Variants in FGGY observed in about 807,000 individuals in gnomAD.
FGGY encodes FGGY carbohydrate kinase domain containing, also known as FGGY carbohydrate kinase domain-containing protein.
Under a neutral mutation model 71.3 loss-of-function variants are expected in FGGY, and 72 were observed. That is an observed-to-expected ratio of 1.01 (90% CI 0.84 to 1.23). The LOEUF (loss-of-function observed/expected upper bound fraction) is 1.23. FGGY is among the 50% of genes most tolerant of loss of function. The probability of loss-of-function intolerance (pLI) is 0.00; values close to 1 mark genes in which losing one functional copy is unlikely to be tolerated. For synonymous variants in FGGY, 251 were observed against 250.3 expected (o/e 1.00, Z -0.02); for missense variants, 668 against 682.3 (o/e 0.98, Z 0.23).
chr1:59,384,812 A>T (rs896178054), intron 5 of FGGY, among the ~76,000 whole-genome samples: 3 of 152,082 alleles, frequency 2.0e-5, no homozygotes, highest in African/African-American at 7.2e-5. Context: ...TTCTTTTAAT[A>T]AAAAAAATCC....
At chr1:59,760,744 C>A (rs977831768) in intron 15 of FGGY, among the ~76,000 whole-genome samples, 2 of 152,138 alleles carry the variant, frequency 1.3e-5, no homozygotes, top group African/African-American at 2.4e-5. Context: ...GGCCAGTGCA[C>A]AAAGTTGTGG....
Position 59,758,031 on chromosome 1 carries a change from T to G in FGGY, c.1574+39T>G, listed in dbSNP as rs369170726. 1.1e-4 allele frequency: 155 copies of G among 1,401,188 alleles called. 1 individual carries two copies. The highest frequency in any genetic ancestry group is 1.7e-5 in the Admixed American group (1 of 57,876). 86.8% of individuals were successfully genotyped at this position (1,401,188 alleles called of 1,614,324 possible). On this transcript the variant is annotated intron_variant, in intron 15 of 15. Transcript: ENST00000303721. ...TTTTATATGTACAGTGCTAAGGAAG[T>G]GAGCACATACACACACACATGCAAC...
chr1:59,343,875 C>T (rs1244675035), intron 3 of FGGY, among the ~76,000 whole-genome samples: 1 of 152,098 alleles, frequency 6.6e-6, no homozygotes, highest in Non-Finnish European at 1.5e-5. Flanking sequence ...AGAAGTTTAG[C>T]AACAGGTATT....
intron 7 of FGGY, among the ~76,000 whole-genome samples, chr1:59,536,688 G>A (rs547184457): frequency 2.0e-5 from 3 of 152,252 alleles, no homozygotes; most frequent in South Asian, 2.1e-4. Context: ...GGGATGCAAG[G>A]CTGGTTCAAT....
chr1:59,321,995 G>A (rs1439473286), intron 2 of FGGY, among the ~76,000 whole-genome samples: 2 of 152,240 alleles, frequency 1.3e-5, no homozygotes, highest in African/African-American at 4.8e-5. Flanking sequence ...GGGGGCTCAG[G>A]GAAGACAGGA....
intron 5 of FGGY, among the ~76,000 whole-genome samples, chr1:59,408,830 G>A (rs891704149): frequency 1.3e-5 from 2 of 152,098 alleles, no homozygotes; most frequent in East Asian, 3.9e-4. Context: ...TTGTCCAGAG[G>A]CCCAACCACT....
intron 9 of FGGY, among the ~76,000 whole-genome samples, chr1:59,611,446 T>C (rs1572068569): frequency 6.6e-6 from 1 of 152,052 alleles, no homozygotes; most frequent in African/African-American, 2.4e-5. Flanking sequence ...GTCCTGACTG[T>C]TAGAAGGAAA....
intron 8 of FGGY, among the ~76,000 whole-genome samples, chr1:59,570,427 T>TAAAG (rs2095964895): frequency 6.6e-6 from 1 of 152,180 alleles, no homozygotes; most frequent in Admixed American, 6.5e-5. Flanking sequence ...CTGCCAGATT[T>TAAAG]GGAGCACACT....
At chr1:59,443,005 A>G (rs1186798282) in intron 5 of FGGY, among the ~76,000 whole-genome samples, 1 of 152,136 alleles carries the variant, frequency 6.6e-6, no homozygotes, top group Admixed American at 6.5e-5. Flanking sequence ...GCAGTTTAGG[A>G]TTTTTAGTAT....
chr1:59,760,532 A>G (rs2098332695), intron 15 of FGGY, among the ~76,000 whole-genome samples: 1 of 152,238 alleles, frequency 6.6e-6, no homozygotes, highest in Non-Finnish European at 1.5e-5. Flanking sequence ...AGCGAAAATC[A>G]TGAGAGCAAC....
intron 8 of FGGY, among the ~76,000 whole-genome samples, chr1:59,569,409 A>T (rs1397049009): frequency 6.6e-6 from 1 of 152,204 alleles, no homozygotes; most frequent in African/African-American, 2.4e-5. Flanking sequence ...GGTCAAAGAG[A>T]TTACAGGCTA....
At chr1:59,596,425 C>T (rs1036956348) in intron 8 of FGGY, among the ~76,000 whole-genome samples, 1 of 151,112 alleles carries the variant, frequency 6.6e-6, no homozygotes, top group African/African-American at 2.4e-5. Context: ...CCTGCTATTT[C>T]CTTGCTTCTC....
intron 5 of FGGY, among the ~76,000 whole-genome samples, chr1:59,390,131 T>C (rs1190096066): frequency 6.6e-6 from 1 of 152,178 alleles, no homozygotes; most frequent in African/African-American, 2.4e-5. Context: ...GTATATTTAA[T>C]AGTGCTGAGA....
rs1260016108 is a variant in FGGY, at chr1:59,535,039, A to G, written c.800-19085A>G. On this transcript the variant is annotated intron_variant, in intron 7 of 15. Coordinates refer to ENST00000303721, the MANE Select transcript of FGGY (RefSeq NM_018291.5). ...CCAATTAAAAGACACAGACTGGCAA[A>G]TTGGATAAAGAGTCAAGACCCATCA... Among the ~76,000 whole-genome samples the G allele has an allele frequency of 5.8e-4, 88 of 152,270 alleles. No individual in the cohort carries two copies. In the East Asian group the frequency reaches 0.016, roughly 28 times the overall value.
chr1:59,653,461 C>T (rs1037767627), intron 11 of FGGY, among the ~76,000 whole-genome samples: 2 of 152,118 alleles, frequency 1.3e-5, no homozygotes, highest in Non-Finnish European at 2.9e-5. Flanking sequence ...CGTGGTTCGC[C>T]GTTTTTTAAG....
At chr1:59,576,542 A>T (rs575937576) in intron 8 of FGGY, among the ~76,000 whole-genome samples, 1 of 152,292 alleles carries the variant, frequency 6.6e-6, no homozygotes, top group Admixed American at 6.5e-5. Flanking sequence ...CGTTCTGCAC[A>T]CGTATCCCAG....
chr1:59,428,397 G>A (rs1274883234), intron 5 of FGGY, among the ~76,000 whole-genome samples: 1 of 152,228 alleles, frequency 6.6e-6, no homozygotes, highest in African/African-American at 2.4e-5. Flanking sequence ...TGGTCTGTCT[G>A]CCTCCAGAAC....
At chr1:59,384,561 G>A (rs929826546) in intron 5 of FGGY, among the ~76,000 whole-genome samples, 14 of 152,254 alleles carry the variant, frequency 9.2e-5, no homozygotes, top group Admixed American at 2.6e-4. Context: ...AGGTATTAGC[G>A]ATTTCATTTA....
At chr1:59,313,357 T>C (rs2044730791) in intron 1 of FGGY, among the ~76,000 whole-genome samples, 1 of 152,204 alleles carries the variant, frequency 6.6e-6, no homozygotes, top group Non-Finnish European at 1.5e-5. Context: ...AGAGATAATG[T>C]ATTTTTCAGC....
Sources: gnomAD v4.1 joint callset for allele counts (sites outside exome capture counted in the v4.1 genomes callset) on GRCh38, gnomAD v4.1.1 for gene constraint, MANE v1.5 for transcripts, NCBI Gene and HGNC (gene_info 2026-07-23, HGNC 2026-07-21) for gene names.